AK8: variants seen among roughly 807,000 people sequenced by gnomAD.
The protein encoded by AK8 is ATP-AMP transphosphorylase 8.
A neutral mutation model predicts 54.6 loss-of-function variants in AK8; 44 were observed. The ratio of observed to expected loss-of-function variants is 0.81; its 90% CI spans 0.63 to 1.04. The LOEUF is 1.04. Ranked by LOEUF, AK8 falls within the 50% of genes least tolerant of loss-of-function variation. The pLI, the probability that AK8 is intolerant of heterozygous loss-of-function variation, is 0.00. For synonymous variants in AK8, 239 were observed against 245.6 expected, an observed-to-expected ratio of 0.97 and a Z score of 0.25; for missense variants, 555 against 613.6, an observed-to-expected ratio of 0.90 and a Z score of 1.01.
intron 10 of AK8, among the ~76,000 whole-genome samples, chr9:132,812,302 C>T (rs1004273180): frequency 2.2e-5 from 3 of 139,518 alleles, no homozygotes; most frequent in African/African-American, 8.2e-5. Flanking sequence ...GCAATCTTGG[C>T]TCACGGCAAC....
chr9:132,746,484 T>C (rs536717392), intron 11 of AK8, among the ~76,000 whole-genome samples: 1 of 152,262 alleles, frequency 6.6e-6, no homozygotes, highest in African/African-American at 2.4e-5. Context: ...GTGAGGAGGA[T>C]TAAAGGCACT....
chr9:132,770,496 C>A lies in AK8; in HGVS notation c.1121+22138G>T. On this transcript the variant is annotated intron_variant, in intron 11 of 12. Coordinates refer to ENST00000298545, the MANE Select transcript of AK8 (RefSeq NM_152572.3). The surrounding 1 kb of genome is among the most constrained non-coding windows in gnomAD (Gnocchi z 4.3). ...AGGGGACACCCTGTGGAGGAGCGGG[C>A]TGGGAGCGCGGGGGATGCCCCTCGC... Among the ~76,000 whole-genome samples, 1 of 152,194 alleles carries A rather than the reference C, an allele frequency of 6.6e-6. No individual in the cohort carries two copies. The highest frequency in any genetic ancestry group is 2.1e-4 in the South Asian group (1 of 4,836).
Position 132,791,533 on chromosome 9 carries a change from A to G in AK8, c.1121+1101T>C, listed in dbSNP as rs958294646. 2.0e-5 allele frequency among the ~76,000 whole-genome samples: 3 copies of G among 152,204 alleles called. No individual in the cohort carries two copies. Among genetic ancestry groups the G allele is most frequent in the Non-Finnish European group, 4.4e-5 (3 of 68,044 alleles). On this transcript the variant is annotated intron_variant, in intron 11 of 12. Coordinates refer to ENST00000298545, the MANE Select transcript of AK8 (RefSeq NM_152572.3). This position sits in a 1 kb window ranked among gnomAD's most constrained non-coding sequence, Gnocchi z 4.0. ...TCGTTTGGAATAATAAATATATAAA[A>G]TAGACAATAAAGAAGATCAATGAGA...
At chr9:132,801,613 C>T (rs1315209265) in intron 10 of AK8, among the ~76,000 whole-genome samples, 1 of 152,100 alleles carries the variant, frequency 6.6e-6, no homozygotes, top group Admixed American at 6.5e-5. Flanking sequence ...AGCAAGGATG[C>T]CATAGCCCAC....
intron 5 of AK8, among the ~76,000 whole-genome samples, chr9:132,848,612 C>G (rs1348043307): frequency 6.6e-6 from 1 of 152,204 alleles, no homozygotes; most frequent in Non-Finnish European, 1.5e-5. Context: ...GTTTTTCCAT[C>G]ACAACCCTTC....
chr9:132,853,678 G>A (rs537085439), intron 5 of AK8, among the ~76,000 whole-genome samples: 1 of 150,804 alleles, frequency 6.6e-6, no homozygotes, highest in Admixed American at 6.6e-5. Flanking sequence ...TCCAGCTACT[G>A]GGGAGGTTGA....
chr9:132,827,505 C>A, intron 7 of AK8: 1 of 217,434 alleles, frequency 4.6e-6, no homozygotes, highest in Non-Finnish European at 9.2e-6. Context: ...GCGTGAGGCC[C>A]GGAAGATCAA....
At chr9:132,857,750 G>A (rs1249370988) in intron 4 of AK8, among the ~76,000 whole-genome samples, 1 of 152,214 alleles carries the variant, frequency 6.6e-6, no homozygotes, top group African/African-American at 2.4e-5. Flanking sequence ...CGGCTGAAAG[G>A]CGGACAGCCC....
chr9:132,823,463 C>T, intron 8 of AK8, 127 bp from the exon 9 acceptor site: 8 of 1,321,422 alleles, frequency 6.1e-6, no homozygotes, highest in Non-Finnish European at 7.4e-6. Context: ...CCATGGAAGC[C>T]CTCTGTGCAT....
chr9:132,762,882 A>G (rs1389079597), intron 11 of AK8, among the ~76,000 whole-genome samples: 2 of 152,168 alleles, frequency 1.3e-5, no homozygotes, highest in African/African-American at 4.8e-5. Context: ...ATCTCAAAAG[A>G]AAAAGAAAAA....
chr9:132,863,578 A>G, intron 4 of AK8, 87 bp downstream of exon 4: 1 of 896,694 alleles, frequency 1.1e-6, no homozygotes, highest in East Asian at 2.5e-5. Context: ...TGAAATGGGA[A>G]CAAACCAAGC....
At chr9:132,814,976 C>T (rs781407936) in intron 9 of AK8, among the ~76,000 whole-genome samples, 10 of 152,174 alleles carry the variant, frequency 6.6e-5, no homozygotes, top group East Asian at 1.9e-4. Flanking sequence ...TAAAAATGGA[C>T]GGCGTGGGGA....
At chr9:132,732,726 T>C (rs386472) in intron 11 of AK8, among the ~76,000 whole-genome samples, 88,914 of 151,892 alleles carry the variant, frequency 0.59, 26,235 homozygotes, top group Admixed American at 0.7. Context: ...GAGACATTGT[T>C]TGGGGCCCTG....
chr9:132,859,203 A>G (rs565938301), intron 4 of AK8, among the ~76,000 whole-genome samples: 1 of 152,234 alleles, frequency 6.6e-6, no homozygotes, highest in Admixed American at 6.5e-5. Context: ...CCTCAGAACT[A>G]CTTGGAGGGG....
At chr9:132,878,364 C>T, upstream of AK8, 1 of 1,252,744 alleles carries the variant, frequency 8.0e-7, no homozygotes, top group Middle Eastern at 3.1e-4. This position sits in a 1 kb window ranked among gnomAD's most constrained non-coding sequence, Gnocchi z 4.7. Context: ...CGCGCCGGGC[C>T]CAGATACCCG....
chr9:132,792,369 A>T (rs1004139300), intron 11 of AK8, among the ~76,000 whole-genome samples: 2 of 152,272 alleles, frequency 1.3e-5, no homozygotes, highest in African/African-American at 4.8e-5. Flanking sequence ...GATTTGTATA[A>T]CAATTCCCCA....
At chr9:132,869,629 T>C (rs954517008) in intron 2 of AK8, among the ~76,000 whole-genome samples, 2 of 152,238 alleles carry the variant, frequency 1.3e-5, no homozygotes, top group Admixed American at 6.5e-5. Context: ...TCTAGGCCTG[T>C]GGCCTGGGGC....
chr9:132,753,517 C>T lies in AK8; in HGVS notation c.1122-25983G>A, dbSNP rs528201108. ...TTTGGGGTGGCTGGGGCAGAGAGAGCTCATGAGTGTGGGGGCTGAAGCCAT... is the reference window on the plus strand; with the variant it reads ...TTTGGGGTGGCTGGGGCAGAGAGAGTTCATGAGTGTGGGGGCTGAAGCCAT... On this transcript the variant is annotated intron_variant, in intron 11 of 12. Coordinates refer to ENST00000298545, the MANE Select transcript of AK8 (RefSeq NM_152572.3). Among the ~76,000 whole-genome samples, 19 of 152,352 alleles carry T rather than the reference C, an allele frequency of 1.2e-4. No homozygotes were observed. In the East Asian group the frequency reaches 3.3e-3, roughly 26 times the overall value.
At chr9:132,805,986 G>A (rs1375611914) in intron 10 of AK8, among the ~76,000 whole-genome samples, 1 of 151,894 alleles carries the variant, frequency 6.6e-6, no homozygotes, top group Non-Finnish European at 1.5e-5. Context: ...CCTACAGCGG[G>A]GGCTCTGGGT....
Sources: gnomAD v4.1 joint callset for allele counts (sites outside exome capture counted in the v4.1 genomes callset) on GRCh38, gnomAD v4.1.1 for gene constraint, Gnocchi (gnomAD v3.1) non-coding constraint, MANE v1.5 for transcripts, NCBI Gene and HGNC (gene_info 2026-07-23, HGNC 2026-07-21) for gene names.